CPNE4: variants seen among roughly 807,000 people sequenced by gnomAD.
The protein encoded by CPNE4 is copine 4, also known as copine-4.
Under a neutral mutation model 67.9 loss-of-function variants are expected in CPNE4, and 25 were observed. The ratio of observed to expected loss-of-function variants is 0.37; its 90% CI spans 0.27 to 0.51. The LOEUF is 0.51. Ranked by LOEUF, CPNE4 falls within the 20% of genes least tolerant of loss-of-function variation. The probability of loss-of-function intolerance (pLI) is 0.93; values close to 1 mark genes in which losing one functional copy is unlikely to be tolerated. For synonymous variants in CPNE4, 242 were observed against 244.9 expected, an observed-to-expected ratio of 0.99 and a Z score of 0.11; for missense variants, 464 against 690.8, an observed-to-expected ratio of 0.67 and a Z score of 3.68.
At chr3:132,001,502 A>G (rs34078221) in intron 1 of CPNE4, among the ~76,000 whole-genome samples, 51,340 of 148,320 alleles carry the variant, frequency 0.35, 9,478 homozygotes, top group South Asian at 0.42. Flanking sequence ...AAATGCCAGG[A>G]GTCTTGTAAT....
intron 2 of CPNE4, among the ~76,000 whole-genome samples, chr3:131,852,404 A>G (rs1377229195): frequency 6.6e-6 from 1 of 152,006 alleles, no homozygotes; most frequent in Admixed American, 6.6e-5. Context: ...ACACTAAAGA[A>G]TAAGGGAGAA....
chr3:131,848,695 C>T (rs551516184), intron 2 of CPNE4, among the ~76,000 whole-genome samples: 3 of 150,196 alleles, frequency 2.0e-5, no homozygotes, highest in African/African-American at 4.9e-5. Flanking sequence ...TGCAGATTTG[C>T]GCTCAACCCC....
At chr3:131,693,588 A>G (rs1459521777) in intron 5 of CPNE4, among the ~76,000 whole-genome samples, 1 of 151,976 alleles carries the variant, frequency 6.6e-6, no homozygotes, top group African/African-American at 2.4e-5. Flanking sequence ...CCTCTGGAAA[A>G]CTCCACTTTA....
chr3:131,970,261 C>T (rs755496665), intron 1 of CPNE4, among the ~76,000 whole-genome samples: 6 of 152,190 alleles, frequency 3.9e-5, no homozygotes, highest in African/African-American at 1.2e-4. Context: ...GACACACCAA[C>T]CCCCACACAG....
At chr3:131,776,735 A>C (rs1315643759) in intron 2 of CPNE4, among the ~76,000 whole-genome samples, 1 of 152,116 alleles carries the variant, frequency 6.6e-6, no homozygotes, top group Non-Finnish European at 1.5e-5. Flanking sequence ...GCCTCGCCTA[A>C]TACAAAACAT....
At chr3:131,599,860 T>C (rs1939105840) in intron 7 of CPNE4, among the ~76,000 whole-genome samples, 1 of 152,218 alleles carries the variant, frequency 6.6e-6, no homozygotes, top group Non-Finnish European at 1.5e-5. Flanking sequence ...CTCCACAGAC[T>C]CATGTCTCAG....
intron 2 of CPNE4, among the ~76,000 whole-genome samples, chr3:131,756,637 C>T (rs1224313741): frequency 6.6e-6 from 1 of 152,232 alleles, no homozygotes; most frequent in Non-Finnish European, 1.5e-5. Flanking sequence ...CAGCCAACAC[C>T]TAAGGGGCTC....
At chr3:131,699,461 T>C (rs1482533519) in intron 4 of CPNE4, among the ~76,000 whole-genome samples, 1 of 152,244 alleles carries the variant, frequency 6.6e-6, no homozygotes, top group Non-Finnish European at 1.5e-5. Flanking sequence ...CTGAGCTCTT[T>C]GTTTGTCAGG....
At chr3:131,698,236 A>AAC (rs1375080529) in intron 4 of CPNE4, among the ~76,000 whole-genome samples, 89 of 124,874 alleles carry the variant, frequency 7.1e-4, no homozygotes, top group African/African-American at 2.3e-3. Context: ...TCTGTCTCAA[A>AAC]AAAAAAAAAA....
chr3:131,759,013 T>TA (rs1483738135), intron 2 of CPNE4, among the ~76,000 whole-genome samples: 1 of 152,146 alleles, frequency 6.6e-6, no homozygotes, highest in Non-Finnish European at 1.5e-5. Flanking sequence ...GAAAACATAC[T>TA]AATACACGTG....
At chr3:131,887,828 T>A (rs1264599736) in intron 2 of CPNE4, among the ~76,000 whole-genome samples, 1 of 152,214 alleles carries the variant, frequency 6.6e-6, no homozygotes, top group Admixed American at 6.5e-5. Flanking sequence ...ATGGGCTCCT[T>A]AGTTAACTAA....
intron 2 of CPNE4, among the ~76,000 whole-genome samples, chr3:131,797,791 T>C (rs900990985): frequency 6.6e-5 from 10 of 152,184 alleles, no homozygotes; most frequent in Non-Finnish European, 1.3e-4. Context: ...ACTCACTGAA[T>C]GAGCTGTGTA....
chr3:132,037,227 C>T (rs1431060176), upstream of CPNE4, among the ~76,000 whole-genome samples: 1 of 152,206 alleles, frequency 6.6e-6, no homozygotes, highest in African/African-American at 2.4e-5. Context: ...AATATGGTTT[C>T]CTTTGCCAGC....
chr3:132,033,855 C>T (rs1369277655), intron 1 of CPNE4, among the ~76,000 whole-genome samples: 2 of 152,164 alleles, frequency 1.3e-5, no homozygotes, highest in East Asian at 3.9e-4. Context: ...TCTGTGATAC[C>T]ACGCGGGGTC....
At position 131,650,744 on chromosome 3, in the gene CPNE4, C is replaced by CA. The variant is rs141219633; in HGVS notation, c.681+18930dup. Among the ~76,000 whole-genome samples, 362 of 61,196 alleles carry CA rather than the reference C, an allele frequency of 5.9e-3. 25 individuals carry two copies. Among genetic ancestry groups the CA allele is most frequent in the South Asian group, 0.026 (30 of 1,172 alleles). 40.1% of individuals were successfully genotyped at this position (61,196 alleles called of 152,430 possible). A position where few individuals can be genotyped will look rare whatever the true frequency, so the allele number is the denominator to read the frequency against. On this transcript the variant is annotated intron_variant, in intron 7 of 15. Transcript: ENST00000429747. ...TGGGGGACAGAGCAAGACTCCGTCT[C>CA]AAAAAAAAAAAAAAAAAAAAAAAAA...
intron 1 of CPNE4, among the ~76,000 whole-genome samples, chr3:131,958,688 G>A (rs1346288539): frequency 5.3e-5 from 7 of 132,070 alleles, no homozygotes; most frequent in East Asian, 2.2e-4. Flanking sequence ...ACAATGGCAC[G>A]ATCTTGGCTC....
intron 1 of CPNE4, among the ~76,000 whole-genome samples, chr3:131,950,434 T>C (rs2071688734): frequency 6.6e-6 from 1 of 152,210 alleles, no homozygotes; most frequent in African/African-American, 2.4e-5. Context: ...TTGAAAATTA[T>C]GGCACTAAGT....
chr3:131,979,500 C>T (rs1408820791), intron 1 of CPNE4, among the ~76,000 whole-genome samples: 3 of 152,146 alleles, frequency 2.0e-5, no homozygotes, highest in Middle Eastern at 3.2e-3. Context: ...AAAATAGCTA[C>T]TCCTGCTCGC....
intron 2 of CPNE4, among the ~76,000 whole-genome samples, chr3:131,857,887 T>TA (rs1336273872): frequency 2.6e-5 from 4 of 151,878 alleles, no homozygotes; most frequent in Non-Finnish European, 5.9e-5. Flanking sequence ...GTTAGGTGCT[T>TA]AAAAAAATAA....
Sources: gnomAD v4.1 joint callset for allele counts (sites outside exome capture counted in the v4.1 genomes callset) on GRCh38, gnomAD v4.1.1 for gene constraint, MANE v1.5 for transcripts, NCBI Gene and HGNC (gene_info 2026-07-23, HGNC 2026-07-21) for gene names.